The following ZNF518A variants were observed in gnomAD, a reference collection of about 807,000 sequenced individuals.
ZNF518A encodes the protein zinc finger protein 518A.
A neutral mutation model predicts 102.7 loss-of-function variants in ZNF518A; 47 were observed. The ratio of observed to expected loss-of-function variants is 0.46; its 90% CI spans 0.36 to 0.58. The LOEUF (loss-of-function observed/expected upper bound fraction) is 0.58. Ranked by LOEUF, ZNF518A falls within the 20% of genes least tolerant of loss-of-function variation. ZNF518A has a pLI of 0.00. For synonymous variants in ZNF518A, 652 were observed against 594.6 expected (o/e 1.10, Z -1.40); for missense variants, 1,793 against 1,699.8 (o/e 1.05, Z -0.96).
intron 1 of ZNF518A, among the ~76,000 whole-genome samples, chr10:96,184,483 G>A (rs1554892338): frequency 6.6e-5 from 10 of 152,180 alleles, no homozygotes; most frequent in Non-Finnish European, 1.5e-4. Flanking sequence ...AGGAGCTCTT[G>A]TAAGGCAGGG....
intron 3 of ZNF518A, among the ~76,000 whole-genome samples, chr10:96,144,358 A>C (rs182590916): frequency 7.2e-4 from 110 of 152,230 alleles, no homozygotes; most frequent in African/African-American, 2.6e-3. Context: ...TTCAGTACAC[A>C]TACTTCTTTC....
At chr10:96,149,609 C>G (rs983429649) in intron 3 of ZNF518A, among the ~76,000 whole-genome samples, 6 of 152,306 alleles carry the variant, frequency 3.9e-5, no homozygotes, top group African/African-American at 9.6e-5. Context: ...TCTTAGGCCT[C>G]GTAAAGATTC....
At chr10:96,184,166 C>T (rs587645123) in intron 1 of ZNF518A, among the ~76,000 whole-genome samples, 2 of 152,286 alleles carry the variant, frequency 1.3e-5, no homozygotes, top group East Asian at 1.9e-4. Flanking sequence ...AGGTCTTCCT[C>T]CATCCCTTTA....
chr10:96,203,909 C>A, intron 2 of ZNF518A: 1 of 574,780 alleles, frequency 1.7e-6, no homozygotes. Flanking sequence ...ATTCTTGGCC[C>A]CATTTTACAG....
Position 96,157,764 on chromosome 10 carries a change from C to T in ZNF518A, c.1442C>T (p.Thr481Ile). The change falls in exon 6 of 6, where the codon ACT (threonine) becomes ATT (isoleucine). Residue 481 changes from threonine to isoleucine, a missense_variant. Thr to Ile is a moderately conservative substitution (Grantham distance 89). Transcript: ENST00000316045. ...CAGTCAGGTGCTGCAAAGGACGGTA[C>T]TGCTAATTTGCAGCCCCAGACTTTG... is the stretch of plus-strand genomic sequence containing the variant. ...GSQSGAAKDGTANLQPQTLDT... is the reference protein window; with the variant it reads ...GSQSGAAKDGIANLQPQTLDT... 6.2e-7 allele frequency: 1 copy of T among 1,613,848 alleles called. No individual in the cohort carries two copies. Among genetic ancestry groups the T allele is most frequent in the Non-Finnish European group, 8.5e-7 (1 of 1,179,786 alleles).
downstream of ZNF518A, among the ~76,000 whole-genome samples, chr10:96,166,582 C>G (rs2083142140): frequency 6.6e-6 from 1 of 152,098 alleles, no homozygotes; most frequent in African/African-American, 2.4e-5. Context: ...TCCTGGCTAA[C>G]ACGGTGAAAC....
rs587648315 is a variant in ZNF518A at position 96,155,191 on chromosome 10, A to G, written c.-301-135A>G. On this transcript the variant is annotated intron_variant, in intron 3 of 5. Transcript: ENST00000316045. The stretch of plus-strand genomic sequence containing the variant: ...TTGTTATGTCCCATACGTGGTAATC[A>G]CATAGAGTAATAGTGGTAGCTGTGA... 4 of 152,312 alleles carry G rather than the reference A, an allele frequency of 2.6e-5. No homozygotes were observed. In the South Asian group the frequency reaches 8.3e-4, roughly 32 times the overall value. 9.4% of individuals were successfully genotyped at this position (152,312 alleles called of 1,614,324 possible).
chr10:96,157,095 G>T lies in ZNF518A; in HGVS notation c.773G>T (p.Gly258Val). 6.2e-7 allele frequency: 1 copy of T among 1,613,714 alleles called. No individual in the cohort carries two copies. Residue 258 changes from glycine (G) to valine (V), a missense_variant, in exon 6 of 6, where the codon GGT (glycine) becomes GTT (valine). Gly to Val is a moderately radical substitution (Grantham distance 109). Transcript: ENST00000316045. ...ELQKHLHIHS[G>V]TFPFTCQYCS... Reference sequence around the variant, plus strand: ...CAGAAGCACCTTCATATTCATTCTGGTACTTTTCCCTTCACTTGTCAATAT... The same window carrying T: ...CAGAAGCACCTTCATATTCATTCTGTTACTTTTCCCTTCACTTGTCAATAT...
chr10:96,157,234 G>A lies in ZNF518A; in HGVS notation c.912G>A (p.Met304Ile). Residue 304 changes from methionine to isoleucine, a missense_variant, in exon 6 of 6, where the codon ATG (methionine) becomes ATA (isoleucine). Met to Ile is a conservative substitution (Grantham distance 10). Coordinates refer to ENST00000316045, the MANE Select transcript of ZNF518A (RefSeq NM_001330736.2). ...AAAAAGACAAATATGAAAAAAGAAT[G>A]GCAAAGACTTCTGCAGGACTTAAGC... The part of the protein sequence containing the change: ...KLEKDKYEKR[M>I]AKTSAGLKLI... 6.2e-7 allele frequency: 1 copy of A among 1,609,384 alleles called. No homozygotes were observed. Among genetic ancestry groups the A allele is most frequent in the South Asian group, 1.1e-5 (1 of 90,042 alleles).
chr10:96,189,465 G>T, intron 1 of ZNF518A: 1 of 626,302 alleles, frequency 1.6e-6, no homozygotes, highest in East Asian at 3.7e-5. Context: ...TTTGGGAAGA[G>T]AACCACCTTT....
chr10:96,203,834 C>T, intron 2 of ZNF518A: 1 of 399,650 alleles, frequency 2.5e-6, no homozygotes, highest in South Asian at 5.7e-5. Context: ...TATTAAATCG[C>T]TACTAAAAAA....
At chr10:96,146,560 G>A (rs1473049827) in intron 3 of ZNF518A, among the ~76,000 whole-genome samples, 1 of 152,114 alleles carries the variant, frequency 6.6e-6, no homozygotes, top group Non-Finnish European at 1.5e-5. Flanking sequence ...ATTCCTCTGT[G>A]ACTTTCTTCT....
At chr10:96,195,786 A>G (rs2083450384) in intron 1 of ZNF518A, among the ~76,000 whole-genome samples, 1 of 152,218 alleles carries the variant, frequency 6.6e-6, no homozygotes, top group African/African-American at 2.4e-5. Flanking sequence ...TTAAGATGGT[A>G]AATTTTATAT....
At chr10:96,191,752 C>T (rs2083332933) in intron 1 of ZNF518A, 2 of 502,672 alleles carry the variant, frequency 4.0e-6, no homozygotes, top group African/African-American at 1.9e-5. Context: ...CATGATAACT[C>T]AACCTCACCA....
chr10:96,157,601 G>A lies in ZNF518A; in HGVS notation c.1279G>A (p.Val427Ile). ...TGTACTAGGACCTACACTGAAAAAT[G>A]TAATGATGAAAAATAATAAACTAGC... The part of the protein sequence containing the change: ...TAVLGPTLKN[V>I]MMKNNKLAVS... The change falls in exon 6 of 6, where the codon GTA becomes ATA. Residue 427 changes from valine to isoleucine, a missense_variant. Around this residue, in one of 3 missense-constraint regions of ZNF518A, gnomAD observed 1,741 missense variants for 1,622.6 expected, o/e 1.07. Coordinates refer to ENST00000316045, the MANE Select transcript of ZNF518A (RefSeq NM_001330736.2). 3 of 1,613,808 alleles carry A rather than the reference G, an allele frequency of 1.9e-6. No homozygotes were observed. The highest frequency in any genetic ancestry group is 2.5e-6 in the Non-Finnish European group (3 of 1,179,780).
intron 1 of ZNF518A, among the ~76,000 whole-genome samples, chr10:96,175,608 T>C (rs587655644): frequency 6.6e-6 from 1 of 152,276 alleles, no homozygotes; most frequent in East Asian, 1.9e-4. Context: ...AAGGGGTTGG[T>C]GAGTGGAAGC....
At chr10:96,155,047 A>G (rs2082631729) in intron 3 of ZNF518A, among the ~76,000 whole-genome samples, 1 of 151,514 alleles carries the variant, frequency 6.6e-6, no homozygotes, top group East Asian at 2.0e-4. Context: ...GATTTTGTCT[A>G]TTCATACATA....
At chr10:96,176,773 G>A (rs2083206933) in intron 1 of ZNF518A, among the ~76,000 whole-genome samples, 1 of 69,540 alleles carries the variant, frequency 1.4e-5, no homozygotes. Flanking sequence ...GCAGACACCT[G>A]TCATCCCAGC....
At chr10:96,145,866 A>T (rs1328958282) in intron 3 of ZNF518A, among the ~76,000 whole-genome samples, 1 of 152,260 alleles carries the variant, frequency 6.6e-6, no homozygotes, top group African/African-American at 2.4e-5. Context: ...CTGTTCTCAC[A>T]AAGTCCAAAT....
Sources: allele counts gnomAD v4.1 joint callset (sites outside exome capture counted in the v4.1 genomes callset), GRCh38; gene constraint gnomAD v4.1.1; regional missense constraint gnomAD v4.1.1; transcripts MANE v1.5; gene names NCBI Gene and HGNC (gene_info 2026-07-23, HGNC 2026-07-21).